The following ARID5B variants were observed in gnomAD, a reference collection of about 807,000 sequenced individuals.
The protein encoded by ARID5B is AT-rich interaction domain 5B.
Under a neutral mutation model 97.2 loss-of-function variants are expected in ARID5B, and 13 were observed. The ratio of observed to expected loss-of-function variants is 0.13; its 90% confidence interval spans 0.09 to 0.21. ARID5B has a LOEUF of 0.21. Among genes scored for constraint, ARID5B ranks in the 10% least tolerant of loss-of-function variants. ARID5B has a pLI of 1.00. For synonymous variants in ARID5B, 556 were observed against 570.3 expected (o/e 0.97, Z 0.36); for missense variants, 1,210 against 1,465.3 (o/e 0.83, Z 2.84).
chr10:61,915,576 A>G (rs1693066642), intron 2 of ARID5B, among the ~76,000 whole-genome samples: 2 of 152,076 alleles, frequency 1.3e-5, no homozygotes, highest in African/African-American at 4.8e-5. Context: ...CAGGTTAGAG[A>G]TGTCCGTTTG....
intron 3 of ARID5B, among the ~76,000 whole-genome samples, chr10:61,986,552 G>T (rs114756287): frequency 0.01 from 1,596 of 152,092 alleles, 31 homozygotes; most frequent in African/African-American, 0.035. Context: ...AGTGGGGGAG[G>T]GTGAGGAAGC....
intron 2 of ARID5B, among the ~76,000 whole-genome samples, chr10:61,921,457 G>A (rs1256687375): frequency 2.0e-5 from 3 of 152,196 alleles, no homozygotes; most frequent in Middle Eastern, 3.2e-3. Context: ...CAGGCAGTGG[G>A]TCTGGGTCTC....
rs77114248 is a variant in ARID5B at position 61,945,644 on chromosome 10, G to T, written c.502+5236G>T. Reference sequence around the variant, plus strand: ...TTGTTTATACATTCAGCTTTGTTTTGTCTAAAATGGGCAATAATATGTACC... The same window carrying T: ...TTGTTTATACATTCAGCTTTGTTTTTTCTAAAATGGGCAATAATATGTACC... On this transcript the variant is annotated intron_variant, in intron 3 of 9. Transcript: ENST00000279873. 4.5e-3 allele frequency among the ~76,000 whole-genome samples: 686 copies of T among 152,168 alleles called. 4 individuals are homozygous for T. The highest frequency in any genetic ancestry group is 0.016 in the African/African-American group (645 of 41,496).
intron 2 of ARID5B, among the ~76,000 whole-genome samples, chr10:61,924,752 C>T (rs1329329986): frequency 3.3e-5 from 5 of 152,270 alleles, no homozygotes; most frequent in East Asian, 3.9e-4. Flanking sequence ...TTAATGGCAA[C>T]GGTATATTGA....
chr10:61,971,314 T>A (rs1286778454), intron 3 of ARID5B, among the ~76,000 whole-genome samples: 1 of 152,250 alleles, frequency 6.6e-6, no homozygotes, highest in Non-Finnish European at 1.5e-5. Context: ...CCCCTCCTTA[T>A]GTTTCAGAGA....
rs933381212 is a variant in ARID5B at position 62,096,586 on chromosome 10, C to A, written c.*3556C>A. ...GAAGAATAGCAGCATAATCTCTTGG[C>A]TGTTTATACTTTTTTAAACTTTCCT... On this transcript the variant is annotated 3_prime_UTR_variant, in exon 10 of 10. Coordinates refer to ENST00000279873, the MANE Select transcript of ARID5B (RefSeq NM_032199.3). The A allele has an allele frequency of 3.4e-4, 80 of 233,440 alleles. 1 individual carries two copies. The East Asian group carries it at 4.8e-3, about 14-fold the overall frequency. 14.5% of individuals were successfully genotyped at this position (233,440 alleles called of 1,614,324 possible).
Position 62,000,871 on chromosome 10 carries a change from A to AGATG in ARID5B, c.733+551_733+554dup, listed in dbSNP as rs1554843609. Among the ~76,000 whole-genome samples, 8 of 150,498 alleles carry AGATG rather than the reference A, an allele frequency of 5.3e-5. No individual in the cohort carries two copies. The highest frequency in any genetic ancestry group is 1.5e-4 in the African/African-American group (6 of 41,090). On this transcript the variant is annotated intron_variant, in intron 4 of 9. Coordinates refer to ENST00000279873, the MANE Select transcript of ARID5B (RefSeq NM_032199.3). The surrounding 1 kb of genome is among the most constrained non-coding windows in gnomAD (Gnocchi z 4.4). ...TAGATAGATAGATAGATAGATAGATAGATGATAGGTGATAGATATCCATGT... is the reference window on the plus strand; with the variant it reads ...TAGATAGATAGATAGATAGATAGATAGATGGATGATAGGTGATAGATATCCATGT...
intron 6 of ARID5B, among the ~76,000 whole-genome samples, chr10:62,058,864 T>C (rs960275716): frequency 6.6e-6 from 1 of 152,188 alleles, no homozygotes; most frequent in Non-Finnish European, 1.5e-5. Flanking sequence ...GCTCTATATA[T>C]TACTGTTTAA....
chr10:62,093,596 T>G lies in ARID5B; in HGVS notation c.*566T>G, dbSNP rs556453421. ...CTTCTTAAAACTACCTGTATCACTGTTTGCTCACCTAATTTATATACAGGT... is the reference window on the plus strand; with the variant it reads ...CTTCTTAAAACTACCTGTATCACTGGTTGCTCACCTAATTTATATACAGGT... On this transcript the variant is annotated 3_prime_UTR_variant, in exon 10 of 10. Coordinates refer to ENST00000279873, the MANE Select transcript of ARID5B (RefSeq NM_032199.3). 47 of 233,248 alleles carry G rather than the reference T, an allele frequency of 2.0e-4. No homozygotes were observed. Among genetic ancestry groups the G allele is most frequent in the African/African-American group, 8.6e-4 (39 of 45,334 alleles). 14.4% of individuals were successfully genotyped at this position (233,248 alleles called of 1,614,324 possible). A position where few individuals can be genotyped will look rare whatever the true frequency, so the allele number is the denominator to read the frequency against.
At chr10:61,924,284 G>C (rs536700483) in intron 2 of ARID5B, among the ~76,000 whole-genome samples, 1 of 152,322 alleles carries the variant, frequency 6.6e-6, no homozygotes, top group South Asian at 2.1e-4. Context: ...CACCACAGTC[G>C]TTGAACAGGA....
At chr10:61,926,783 G>GT (rs1231006003) in intron 2 of ARID5B, among the ~76,000 whole-genome samples, 1 of 151,530 alleles carries the variant, frequency 6.6e-6, no homozygotes, top group Non-Finnish European at 1.5e-5. Flanking sequence ...TAGTTTTTGG[G>GT]TTTTTTTGTA....
chr10:61,971,948 G>A (rs372340059), intron 3 of ARID5B, among the ~76,000 whole-genome samples: 8 of 152,108 alleles, frequency 5.3e-5, no homozygotes, highest in African/African-American at 1.9e-4. Flanking sequence ...GCAAGTATTT[G>A]AGCCATCCAA....
At chr10:62,049,420 G>A in intron 4 of ARID5B, 1 of 1,550,462 alleles carries the variant, frequency 6.4e-7, no homozygotes, top group East Asian at 2.4e-5. Context: ...CCGGGGAGCA[G>A]TCACATGCTG....
intron 3 of ARID5B, among the ~76,000 whole-genome samples, chr10:61,987,372 C>T (rs187660424): frequency 6.6e-6 from 1 of 152,314 alleles, no homozygotes; most frequent in African/African-American, 2.4e-5. Flanking sequence ...GTTAGGAATT[C>T]AGACATGCTA....
At chr10:61,937,737 GGTGA>G (rs775404963) in intron 2 of ARID5B, among the ~76,000 whole-genome samples, 10 of 152,118 alleles carry the variant, frequency 6.6e-5, no homozygotes, top group Non-Finnish European at 1.2e-4. Flanking sequence ...GCCCAAGAAT[GGTGA>G]GTATTAGGAA....
rs528831571 is a variant in ARID5B, at chr10:62,030,343, C to A, written c.734-20545C>A. The stretch of plus-strand genomic sequence containing the variant: ...TGGGGGTTTCACCATGTTGGCCAGG[C>A]TGGTCTGGAACTCCTGACCTCAGGT... On this transcript the variant is annotated intron_variant, in intron 4 of 9. Transcript: ENST00000279873. 9.9e-5 allele frequency among the ~76,000 whole-genome samples: 15 copies of A among 152,218 alleles called. No homozygotes were observed. The East Asian group carries it at 2.9e-3, about 29-fold the overall frequency.
chr10:61,948,885 T>C (rs999905703), intron 3 of ARID5B, among the ~76,000 whole-genome samples: 1 of 152,234 alleles, frequency 6.6e-6, no homozygotes, highest in Non-Finnish European at 1.5e-5. Flanking sequence ...TTGGCCTTTT[T>C]ATAAGTAAGA....
At chr10:61,939,127 CTGT>C (rs1316618315) in intron 2 of ARID5B, among the ~76,000 whole-genome samples, 3 of 151,820 alleles carry the variant, frequency 2.0e-5, no homozygotes, top group Non-Finnish European at 2.9e-5. Context: ...AGACATCTTC[CTGT>C]TGTTGTTTGT....
chr10:61,917,970 C>A (rs1589218135), intron 2 of ARID5B, among the ~76,000 whole-genome samples: 1 of 152,136 alleles, frequency 6.6e-6, no homozygotes, highest in East Asian at 1.9e-4. Context: ...CCCTTGAAAA[C>A]ACCTAGGGAT....
Sources: allele counts gnomAD v4.1 joint callset (sites outside exome capture counted in the v4.1 genomes callset), GRCh38; gene constraint gnomAD v4.1.1; non-coding constraint Gnocchi (gnomAD v3.1); transcripts MANE v1.5; gene names NCBI Gene and HGNC (gene_info 2026-07-23, HGNC 2026-07-21).